The following NDUFA12 variants were observed in gnomAD, a reference collection of about 807,000 sequenced individuals.
NDUFA12 encodes NADH:ubiquinone oxidoreductase subunit A12.
NDUFA12 carries 17 observed loss-of-function variants against 20.3 expected under a neutral mutation model. That is an observed-to-expected ratio of 0.84 (90% CI 0.57 to 1.26). The LOEUF is 1.26. NDUFA12 is among the 50% of genes most tolerant of loss of function. NDUFA12 has a pLI of 0.00. For missense variants in NDUFA12, 191 were observed against 183.7 expected (o/e 1.04, Z -0.23); for synonymous variants, 72 against 63.6 (o/e 1.13, Z -0.63).
intron 2 of NDUFA12, among the ~76,000 whole-genome samples, chr12:94,995,859 A>G (rs552630272): frequency 1.3e-5 from 2 of 152,234 alleles, no homozygotes; most frequent in African/African-American, 4.8e-5. Flanking sequence ...TGGTTCTTCC[A>G]TACACTGGAA....
intron 2 of NDUFA12, among the ~76,000 whole-genome samples, chr12:95,002,309 C>A (rs558279376): frequency 6.6e-6 from 1 of 151,416 alleles, no homozygotes; most frequent in Non-Finnish European, 1.5e-5. Flanking sequence ...GCCATGGTGG[C>A]GCCCGCCTGT....
chr12:94,996,037 G>A (rs1387364750), intron 2 of NDUFA12, among the ~76,000 whole-genome samples: 2 of 151,260 alleles, frequency 1.3e-5, no homozygotes, highest in African/African-American at 2.4e-5. Context: ...GTGAAACCTT[G>A]TCCCTACAAA....
intron 3 of NDUFA12, among the ~76,000 whole-genome samples, chr12:94,975,350 A>G (rs1168637731): frequency 6.6e-6 from 1 of 152,232 alleles, no homozygotes; most frequent in Non-Finnish European, 1.5e-5. Context: ...AAAAAATTAT[A>G]GTGGCAAACA....
At chr12:94,999,103 C>G (rs193133496) in intron 2 of NDUFA12, among the ~76,000 whole-genome samples, 3 of 152,268 alleles carry the variant, frequency 2.0e-5, no homozygotes, top group African/African-American at 7.2e-5. Flanking sequence ...GCTACAGTTA[C>G]CAAAACACTA....
intron 3 of NDUFA12, 91 bp downstream of exon 3, chr12:94,994,079 A>T: frequency 8.9e-7 from 1 of 1,124,138 alleles, no homozygotes; most frequent in Non-Finnish European, 1.3e-6. Context: ...AGTCATGATC[A>T]TGTCACTGCA....
intron 3 of NDUFA12, among the ~76,000 whole-genome samples, chr12:94,993,283 GT>G (rs1874706189): frequency 1.1e-5 from 1 of 88,720 alleles, no homozygotes; most frequent in Non-Finnish European, 2.7e-5. Context: ...GAGCCTAGGA[GT>G]TTGAGGCCAG....
intron 2 of NDUFA12, among the ~76,000 whole-genome samples, chr12:94,998,517 A>G (rs1270055032): frequency 6.6e-6 from 1 of 152,212 alleles, no homozygotes; most frequent in African/African-American, 2.4e-5. Context: ...AGTGCATCCA[A>G]ATTTAAAAAG....
chr12:94,994,859 C>A (rs1001237678), intron 2 of NDUFA12, among the ~76,000 whole-genome samples: 3 of 152,146 alleles, frequency 2.0e-5, no homozygotes, highest in African/African-American at 7.2e-5. Context: ...TACTTATTTA[C>A]ACAATTGGGT....
intron 3 of NDUFA12, among the ~76,000 whole-genome samples, chr12:94,982,384 C>T (rs926888938): frequency 1.3e-5 from 2 of 151,916 alleles, no homozygotes; most frequent in East Asian, 3.9e-4. Flanking sequence ...TGCCAGTCTC[C>T]TGCCTCAGCC....
chr12:94,994,360 T>C, intron 2 of NDUFA12, 103 bp from the exon 3 acceptor site: 1 of 843,258 alleles, frequency 1.2e-6, no homozygotes, highest in East Asian at 2.7e-5. Flanking sequence ...AGACTTTTTG[T>C]GATCTTATAT....
Position 95,003,646 on chromosome 12 carries a change from T to A in NDUFA12, c.35A>T (p.Gln12Leu). The A allele has an allele frequency of 5.6e-6, 9 of 1,614,160 alleles. No homozygotes were observed. The highest frequency in any genetic ancestry group is 7.6e-6 in the Non-Finnish European group (9 of 1,180,038). The change falls in exon 1 of 4, where the codon CAG (glutamine) becomes CTG (leucine). Residue 12 changes from glutamine (Q) to leucine (L), a missense_variant. Transcript: ENST00000327772. ...ELVQVLKRGLQQITGHGGLRG... is the reference protein window; with the variant it reads ...ELVQVLKRGLLQITGHGGLRG... ...GAGACCGCCGTGGCCGGTGATCTGC[T>A]GCAGCCCGCGTTTCAGGACCTGCAC...
At chr12:94,983,415 C>T (rs1402702250) in intron 3 of NDUFA12, among the ~76,000 whole-genome samples, 1 of 152,162 alleles carries the variant, frequency 6.6e-6, no homozygotes, top group African/African-American at 2.4e-5. Context: ...AAGCCAGACG[C>T]CATGTCAAGA....
At chr12:94,999,417 G>T (rs1874946445) in intron 2 of NDUFA12, among the ~76,000 whole-genome samples, 1 of 152,126 alleles carries the variant, frequency 6.6e-6, no homozygotes, top group Non-Finnish European at 1.5e-5. Context: ...TCCAGACATT[G>T]GCTTAGGCAA....
At chr12:94,995,102 G>C (rs1239787823) in intron 2 of NDUFA12, among the ~76,000 whole-genome samples, 1 of 151,990 alleles carries the variant, frequency 6.6e-6, no homozygotes, top group East Asian at 1.9e-4. Flanking sequence ...CTGCCAATAG[G>C]GAACACTGAA....
chr12:94,996,819 CA>C (rs10654978), intron 2 of NDUFA12: 28,988 of 153,130 alleles, frequency 0.19, 1,985 homozygotes, highest in Middle Eastern at 0.23. Context: ...AACTCTGTCT[CA>C]AAAAAAAAAA....
chr12:94,983,628 A>G (rs1032282605), intron 3 of NDUFA12, among the ~76,000 whole-genome samples: 1 of 152,186 alleles, frequency 6.6e-6, no homozygotes, highest in African/African-American at 2.4e-5. Flanking sequence ...TTGCTGTGAG[A>G]TAACATTTAC....
intron 3 of NDUFA12, among the ~76,000 whole-genome samples, chr12:94,982,418 C>T (rs887182048): frequency 1.3e-5 from 2 of 151,866 alleles, no homozygotes; most frequent in African/African-American, 4.8e-5. Flanking sequence ...GGACTACAGG[C>T]GACCGCCACT....
intron 2 of NDUFA12, among the ~76,000 whole-genome samples, chr12:95,001,197 A>C (rs1340051451): frequency 1.3e-5 from 2 of 152,048 alleles, no homozygotes; most frequent in Non-Finnish European, 1.5e-5. Context: ...TCCCAGCTAC[A>C]TAGGAGGCTG....
At chr12:95,001,994 C>A (rs1394209198) in intron 2 of NDUFA12, among the ~76,000 whole-genome samples, 1 of 151,364 alleles carries the variant, frequency 6.6e-6, no homozygotes, top group African/African-American at 2.4e-5. Flanking sequence ...TGAGCCACCG[C>A]GCCCAGCCGA....
Sources: gnomAD v4.1 joint callset for allele counts (sites outside exome capture counted in the v4.1 genomes callset) on GRCh38, gnomAD v4.1.1 for gene constraint, MANE v1.5 for transcripts, NCBI Gene and HGNC (gene_info 2026-07-23, HGNC 2026-07-21) for gene names.